PACRG: variants seen among roughly 807,000 people sequenced by gnomAD.
The protein encoded by PACRG is parkin coregulated gene protein.
PACRG carries 29 observed loss-of-function variants against 29.7 expected under a neutral mutation model. That is an observed-to-expected ratio of 0.98 (90% CI 0.73 to 1.33). PACRG has a LOEUF of 1.33. Ranked by LOEUF, PACRG falls within the 40% of genes most tolerant of loss-of-function variation. The pLI, the probability that PACRG is intolerant of heterozygous loss-of-function variation, is 0.00. For synonymous variants in PACRG, 116 were observed against 118.7 expected (o/e 0.98, Z 0.15); for missense variants, 279 against 316.2 (o/e 0.88, Z 0.89).
intron 2 of PACRG, among the ~76,000 whole-genome samples, chr6:162,984,888 G>A (rs1364865969): frequency 6.6e-6 from 1 of 150,694 alleles, no homozygotes; most frequent in Non-Finnish European, 1.5e-5. Flanking sequence ...ATTTGTTTGA[G>A]TTGTGGATTC....
At position 162,967,697 on chromosome 6, in the gene PACRG, C is replaced by T. The variant is rs552164012; in HGVS notation, c.292-94453C>T. 8.9e-4 allele frequency among the ~76,000 whole-genome samples: 136 copies of T among 152,020 alleles called. 1 individual carries two copies. Among genetic ancestry groups the T allele is most frequent in the African/African-American group, 3.2e-3 (132 of 41,448 alleles). On this transcript the variant is annotated intron_variant, in intron 2 of 4. Transcript: ENST00000366888. ...AATTTTTTTGTATTTTTTGTAGAGA[C>T]GGGGTTTCACCATGTTAGCCGGGAT...
In PACRG at chr6:163,129,496, A is replaced by G. The variant is rs372138166; in HGVS notation, c.613+40088A>G. 3.3e-5 allele frequency among the ~76,000 whole-genome samples: 5 copies of G among 152,330 alleles called. No homozygotes were observed. In the East Asian group the frequency reaches 5.8e-4, roughly 18 times the overall value. On this transcript the variant is annotated intron_variant, in intron 4 of 4. Coordinates refer to ENST00000366888, the MANE Select transcript of PACRG (RefSeq NM_001080379.2). Reference sequence around the variant, plus strand: ...CTCACATTCCGTCAAGAGTCGTTCTATTACTTACATGTCATCCACTCTAGA... The same window carrying G: ...CTCACATTCCGTCAAGAGTCGTTCTGTTACTTACATGTCATCCACTCTAGA...
intron 4 of PACRG, among the ~76,000 whole-genome samples, chr6:163,287,485 C>T (rs563869930): frequency 1.8e-4 from 27 of 152,324 alleles, no homozygotes; most frequent in African/African-American, 6.5e-4. Context: ...GGAGGCTGCC[C>T]AGGCCCCTCA....
intron 4 of PACRG, among the ~76,000 whole-genome samples, chr6:163,252,825 C>A (rs1334659215): frequency 6.6e-6 from 1 of 152,176 alleles, no homozygotes; most frequent in Non-Finnish European, 1.5e-5. Context: ...CTTGTGCAGT[C>A]GCTTACAACT....
At chr6:162,834,363 T>G (rs1158221721) in intron 2 of PACRG, among the ~76,000 whole-genome samples, 1 of 152,160 alleles carries the variant, frequency 6.6e-6, no homozygotes, top group African/African-American at 2.4e-5. Context: ...TTATATACAT[T>G]GTATAACATT....
intron 1 of PACRG, among the ~76,000 whole-genome samples, chr6:162,748,320 G>A (rs766685003): frequency 6.6e-6 from 1 of 151,986 alleles, no homozygotes; most frequent in South Asian, 2.1e-4. Context: ...GTGAAACCCC[G>A]TCTCTAATAA....
intron 4 of PACRG, among the ~76,000 whole-genome samples, chr6:163,135,180 A>T (rs1816880087): frequency 6.9e-6 from 1 of 144,922 alleles, no homozygotes; most frequent in African/African-American, 2.7e-5. Flanking sequence ...GATTCTAGTT[A>T]AGTCATTTTT....
intron 2 of PACRG, among the ~76,000 whole-genome samples, chr6:162,855,369 T>A (rs1791298586): frequency 6.6e-6 from 1 of 152,254 alleles, no homozygotes; most frequent in South Asian, 2.1e-4. Context: ...CAGTTTAGAC[T>A]AATTCCTAAT....
intron 4 of PACRG, among the ~76,000 whole-genome samples, chr6:163,188,411 A>G (rs182859552): frequency 1.3e-5 from 2 of 152,338 alleles, no homozygotes; most frequent in East Asian, 1.9e-4. Flanking sequence ...CCCCGAAGCT[A>G]CAGTAGAAAA....
At chr6:163,253,066 G>A (rs1209191474) in intron 4 of PACRG, among the ~76,000 whole-genome samples, 1 of 152,124 alleles carries the variant, frequency 6.6e-6, no homozygotes, top group Non-Finnish European at 1.5e-5. Context: ...GGAGGCTGAG[G>A]CAGGCAGATC....
intron 2 of PACRG, among the ~76,000 whole-genome samples, chr6:162,818,753 T>C (rs1787572677): frequency 6.6e-6 from 1 of 152,210 alleles, no homozygotes; most frequent in African/African-American, 2.4e-5. Flanking sequence ...CATGATAACG[T>C]GCTACGTGAC....
At chr6:162,760,232 G>C (rs1338579867) in intron 1 of PACRG, among the ~76,000 whole-genome samples, 5 of 152,176 alleles carry the variant, frequency 3.3e-5, no homozygotes, top group Non-Finnish European at 7.3e-5. Flanking sequence ...GGTGTCAGCT[G>C]TCAGCCATGG....
At chr6:162,960,362 C>T (rs1298695819) in intron 2 of PACRG, among the ~76,000 whole-genome samples, 1 of 152,190 alleles carries the variant, frequency 6.6e-6, no homozygotes, top group African/African-American at 2.4e-5. Flanking sequence ...ACCTAGGTGC[C>T]CATCAACAAT....
chr6:162,814,343 A>G, intron 2 of PACRG, 62 bp downstream of exon 2: 1 of 1,580,562 alleles, frequency 6.3e-7, no homozygotes, highest in Non-Finnish European at 8.6e-7. Flanking sequence ...TCCCAATGCC[A>G]AACACACTTG....
At chr6:163,185,337 A>G (rs954050021) in intron 4 of PACRG, among the ~76,000 whole-genome samples, 1 of 152,220 alleles carries the variant, frequency 6.6e-6, no homozygotes, top group African/African-American at 2.4e-5. Flanking sequence ...TGATAAAACA[A>G]TCCACGTAAT....
At chr6:163,073,994 A>C (rs1812311789) in intron 3 of PACRG, among the ~76,000 whole-genome samples, 1 of 152,194 alleles carries the variant, frequency 6.6e-6, no homozygotes, top group Non-Finnish European at 1.5e-5. Flanking sequence ...TAATACAACC[A>C]CTATGGAGGA....
At chr6:163,284,306 G>A (rs544352280) in intron 4 of PACRG, among the ~76,000 whole-genome samples, 1 of 152,296 alleles carries the variant, frequency 6.6e-6, no homozygotes, top group Non-Finnish European at 1.5e-5. Context: ...AGCAGCTGCT[G>A]GACGTTCTGA....
chr6:163,215,483 TTAATC>T (rs1781326365), intron 4 of PACRG, among the ~76,000 whole-genome samples: 1 of 152,248 alleles, frequency 6.6e-6, no homozygotes, highest in African/African-American at 2.4e-5. Context: ...CCTGATATCA[TTAATC>T]TAATGCCAAA....
At chr6:163,089,566 C>G (rs1158838042) in intron 4 of PACRG, among the ~76,000 whole-genome samples, 158 bp downstream of exon 4, 1 of 152,230 alleles carries the variant, frequency 6.6e-6, no homozygotes, top group Admixed American at 6.5e-5. Flanking sequence ...TCTCCAGCTA[C>G]TCCCTAGGGA....
Sources: gnomAD v4.1 joint callset for allele counts (sites outside exome capture counted in the v4.1 genomes callset) on GRCh38, gnomAD v4.1.1 for gene constraint, MANE v1.5 for transcripts, NCBI Gene and HGNC (gene_info 2026-07-23, HGNC 2026-07-21) for gene names.